SGCD: variants seen among roughly 807,000 people sequenced by gnomAD.
The protein encoded by SGCD is sarcoglycan delta, also known as delta-sarcoglycan.
SGCD carries 18 observed loss-of-function variants against 36.6 expected under a neutral mutation model. The ratio of observed to expected loss-of-function variants is 0.49; its 90% confidence interval spans 0.34 to 0.73. The LOEUF is 0.73. SGCD is among the 30% of genes least tolerant of loss of function. The pLI is 0.01. For synonymous variants in SGCD, 133 were observed against 130.6 expected (o/e 1.02, Z -0.12); for missense variants, 387 against 346.7 (o/e 1.12, Z -0.92).
At chr5:156,169,469 C>T (rs1763292912) in intron 3 of SGCD, among the ~76,000 whole-genome samples, 1 of 152,106 alleles carries the variant, frequency 6.6e-6, no homozygotes, top group Non-Finnish European at 1.5e-5. Context: ...TAAAAATCAA[C>T]AATATTAATG....
intron 4 of SGCD, among the ~76,000 whole-genome samples, chr5:156,563,460 G>T (rs970372990): frequency 6.6e-6 from 1 of 152,140 alleles, no homozygotes; most frequent in Non-Finnish European, 1.5e-5. Context: ...AGATCCTATG[G>T]GTCTGACGCT....
At chr5:155,761,619 ATCATCACTC>A in the SGCD span, among the ~76,000 whole-genome samples, 1 of 120,304 alleles carries the variant, frequency 8.3e-6, no homozygotes, top group African/African-American at 3.6e-5. Flanking sequence ...CATCATCCTC[ATCATCACTC>A]TCTCCATCAT....
intron 1 of SGCD, among the ~76,000 whole-genome samples, chr5:155,911,071 C>G (rs11960137): frequency 0.14 from 21,330 of 151,892 alleles, 2,276 homozygotes; most frequent in Admixed American, 0.35. Context: ...TGGGTATGAT[C>G]ACAAACATGA....
chr5:156,259,114 GTTTATTTATTTATTTA>G (rs561763416), intron 3 of SGCD, among the ~76,000 whole-genome samples: 11 of 146,774 alleles, frequency 7.5e-5, no homozygotes, highest in Middle Eastern at 3.5e-3. Flanking sequence ...AACACTGGCT[GTTTATTTATTTATTTA>G]TTTATTTATT....
chr5:156,250,944 G>T (rs373668925), intron 3 of SGCD, among the ~76,000 whole-genome samples: 1 of 152,126 alleles, frequency 6.6e-6, no homozygotes, highest in Admixed American at 6.6e-5. Context: ...TTGAAAACAC[G>T]CATTGCTCTG....
intron 1 of SGCD, among the ~76,000 whole-genome samples, chr5:156,015,178 T>C (rs1758942871): frequency 6.6e-6 from 1 of 152,208 alleles, no homozygotes; most frequent in Non-Finnish European, 1.5e-5. Context: ...CCACATTCAT[T>C]AGGTTCTCTA....
the SGCD span, among the ~76,000 whole-genome samples, chr5:155,743,811 C>T: frequency 6.6e-6 from 1 of 152,196 alleles, no homozygotes; most frequent in Non-Finnish European, 1.5e-5. Flanking sequence ...CAAAATTGTT[C>T]TAACTGCAAA....
At chr5:156,377,475 T>C (rs187586769) in intron 3 of SGCD, among the ~76,000 whole-genome samples, 49 of 152,342 alleles carry the variant, frequency 3.2e-4, no homozygotes, top group African/African-American at 1.1e-3. Context: ...TTATAATTTA[T>C]GTAATATATG....
intron 1 of SGCD, among the ~76,000 whole-genome samples, chr5:155,947,249 A>G (rs1757455358): frequency 6.6e-6 from 1 of 151,754 alleles, no homozygotes; most frequent in Non-Finnish European, 1.5e-5. Context: ...GCAGATAAGG[A>G]AATTGACGCT....
At chr5:156,578,241 G>A (rs1450320621) in intron 4 of SGCD, among the ~76,000 whole-genome samples, 1 of 152,198 alleles carries the variant, frequency 6.6e-6, no homozygotes, top group African/African-American at 2.4e-5. Context: ...TGTTGAACCA[G>A]CCTTGCATCC....
chr5:156,410,357 T>G, intron 3 of SGCD, among the ~76,000 whole-genome samples: 1 of 150,286 alleles, frequency 6.7e-6, no homozygotes. Flanking sequence ...GACATAAAGA[T>G]GAGAACAATA....
At chr5:156,197,587 A>G (rs1270090850) in intron 3 of SGCD, among the ~76,000 whole-genome samples, 2 of 151,976 alleles carry the variant, frequency 1.3e-5, no homozygotes, top group African/African-American at 4.8e-5. Flanking sequence ...AAAATAATTA[A>G]CAGCCAAGCA....
intron 3 of SGCD, among the ~76,000 whole-genome samples, chr5:156,379,970 T>C (rs1444343919): frequency 6.6e-6 from 1 of 152,204 alleles, no homozygotes; most frequent in Non-Finnish European, 1.5e-5. Flanking sequence ...GCTGAGTGTA[T>C]CTGTTGTTTA....
Position 156,537,723 on chromosome 5 carries a change from T to C in SGCD, c.294+29021T>C, listed in dbSNP as rs150500602. On this transcript the variant is annotated intron_variant, in intron 4 of 8. Coordinates refer to ENST00000337851, the MANE Select transcript of SGCD (RefSeq NM_000337.6). Reference sequence around the variant, plus strand: ...GTGCCCTGTGATTCTCTGACTTTCATAGTAAAGCTGTTAGATGGGCTGCCT... The same window carrying C: ...GTGCCCTGTGATTCTCTGACTTTCACAGTAAAGCTGTTAGATGGGCTGCCT... 1.6e-4 allele frequency among the ~76,000 whole-genome samples: 25 copies of C among 152,114 alleles called. No individual in the cohort carries two copies. In the East Asian group the frequency reaches 4.6e-3, roughly 28 times the overall value.
At chr5:156,216,031 A>G (rs1472992301) in intron 3 of SGCD, among the ~76,000 whole-genome samples, 1 of 152,192 alleles carries the variant, frequency 6.6e-6, no homozygotes, top group Non-Finnish European at 1.5e-5. Context: ...ATTTATAACA[A>G]TGTGGATGAA....
At chr5:155,863,305 T>C in the SGCD span, among the ~76,000 whole-genome samples, 26 of 152,276 alleles carry the variant, frequency 1.7e-4, no homozygotes, top group African/African-American at 6.0e-4. Context: ...CAAGAATGTG[T>C]TCTTGAAATT....
At chr5:155,908,407 G>T (rs1756566827) in intron 1 of SGCD, among the ~76,000 whole-genome samples, 1 of 152,082 alleles carries the variant, frequency 6.6e-6, no homozygotes, top group Admixed American at 6.6e-5. Context: ...GTATACTCAT[G>T]AATATTTATT....
At position 156,134,354 on chromosome 5, in the gene SGCD, A is replaced by G. The variant is rs184587784; in HGVS notation, c.-44+10335A>G. The stretch of plus-strand genomic sequence containing the variant: ...TCCCCTGCTGCCTGAAGGACTGTCT[A>G]AAGAGCTTCACTTACAGTACACCAT... On this transcript the variant is annotated intron_variant, in intron 3 of 9. Transcript: ENST00000517913. 9.2e-5 allele frequency among the ~76,000 whole-genome samples: 14 copies of G among 152,282 alleles called. No individual in the cohort carries two copies. The East Asian group carries it at 2.5e-3, about 27-fold the overall frequency.
At chr5:156,579,731 C>T (rs914846743) in intron 4 of SGCD, among the ~76,000 whole-genome samples, 1 of 152,102 alleles carries the variant, frequency 6.6e-6, no homozygotes, top group Non-Finnish European at 1.5e-5. Flanking sequence ...ACTAGGATTG[C>T]AACTCCTGCT....
Sources: allele counts gnomAD v4.1 joint callset (sites outside exome capture counted in the v4.1 genomes callset), GRCh38; gene constraint gnomAD v4.1.1; transcripts MANE v1.5; gene names NCBI Gene and HGNC (gene_info 2026-07-23, HGNC 2026-07-21).